ORC4: variants seen among roughly 807,000 people sequenced by gnomAD.
The protein encoded by ORC4 is origin recognition complex, subunit 4 homolog.
In ORC4, 55 loss-of-function variants were observed where a neutral mutation model predicts 63.9. The observed-to-expected ratio is 0.86, with a 90% CI of 0.69 to 1.08. The LOEUF is 1.08. ORC4 is among the 50% of genes least tolerant of loss of function. ORC4 has a pLI of 0.00. For missense variants in ORC4, 511 were observed against 504.4 expected (o/e 1.01, Z -0.13); for synonymous variants, 150 against 168.5 (o/e 0.89, Z 0.85).
intron 1 of ORC4, among the ~76,000 whole-genome samples, chr2:148,015,307 ATT>A (rs1158861758): frequency 2.4e-3 from 224 of 92,320 alleles, no homozygotes; most frequent in African/African-American, 5.7e-3. Context: ...TGATATTGGA[ATT>A]TTTTTTTTTT....
intron 10 of ORC4, among the ~76,000 whole-genome samples, chr2:147,940,832 AT>A (rs1008811462): frequency 6.6e-6 from 1 of 151,878 alleles, no homozygotes; most frequent in Admixed American, 6.6e-5. Context: ...AAAGGCATAA[AT>A]TTTTTTTAAC....
chr2:147,981,726 C>T (rs1054268240), intron 1 of ORC4, among the ~76,000 whole-genome samples: 1 of 46,210 alleles, frequency 2.2e-5, no homozygotes, highest in Non-Finnish European at 4.0e-5. Flanking sequence ...ATAAAATATA[C>T]ATCAAAAAGC....
At chr2:148,013,251 A>T (rs1364871137) in intron 1 of ORC4, among the ~76,000 whole-genome samples, 1 of 152,216 alleles carries the variant, frequency 6.6e-6, no homozygotes, top group African/African-American at 2.4e-5. Context: ...TCAGCCATAA[A>T]AAAAAAATGA....
chr2:147,969,214 C>T (rs1195021806), intron 4 of ORC4, among the ~76,000 whole-genome samples: 4 of 151,856 alleles, frequency 2.6e-5, no homozygotes, highest in Non-Finnish European at 5.9e-5. Context: ...CAGTGTTGTA[C>T]TATCATTTTT....
chr2:147,970,889 C>T (rs1690172747), intron 4 of ORC4, among the ~76,000 whole-genome samples: 1 of 151,962 alleles, frequency 6.6e-6, no homozygotes. Flanking sequence ...AATCCCAGCA[C>T]TTTGGAAAGC....
At chr2:147,976,253 C>T (rs1441158788) in intron 1 of ORC4, among the ~76,000 whole-genome samples, 2 of 152,006 alleles carry the variant, frequency 1.3e-5, no homozygotes, top group African/African-American at 2.4e-5. Context: ...CTGTGTCCAA[C>T]AAGTCGATAG....
intron 1 of ORC4, among the ~76,000 whole-genome samples, chr2:147,980,315 T>G (rs1213983986): frequency 1.3e-5 from 2 of 152,042 alleles, no homozygotes; most frequent in East Asian, 3.9e-4. Flanking sequence ...TATTAGAAAT[T>G]ATAAGTAATC....
intron 4 of ORC4, among the ~76,000 whole-genome samples, chr2:147,971,187 C>T (rs567267103): frequency 1.3e-5 from 2 of 151,860 alleles, no homozygotes; most frequent in South Asian, 4.2e-4. Context: ...ACCAAAGATA[C>T]AGTTAATAGT....
intron 1 of ORC4, among the ~76,000 whole-genome samples, chr2:147,980,307 T>C (rs2105367795): frequency 6.6e-6 from 1 of 152,220 alleles, no homozygotes; most frequent in East Asian, 1.9e-4. Context: ...TTACATTGTA[T>C]TAGAAATTAT....
chr2:148,005,037 C>G (rs1692540777), intron 1 of ORC4, among the ~76,000 whole-genome samples: 1 of 152,052 alleles, frequency 6.6e-6, no homozygotes, highest in Non-Finnish European at 1.5e-5. Context: ...ACCATTTGAC[C>G]CAGCAATCCC....
intron 6 of ORC4, among the ~76,000 whole-genome samples, chr2:147,956,979 G>A (rs1243714079): frequency 2.0e-5 from 3 of 151,428 alleles, no homozygotes; most frequent in Non-Finnish European, 2.9e-5. Context: ...ACAGGAGGTA[G>A]AATATTAGAT....
intron 2 of ORC4, among the ~76,000 whole-genome samples, chr2:147,975,657 A>T (rs560668642): frequency 6.6e-6 from 1 of 152,320 alleles, no homozygotes; most frequent in East Asian, 1.9e-4. Flanking sequence ...GAGAACAATC[A>T]TAACAACAAA....
intron 1 of ORC4, among the ~76,000 whole-genome samples, chr2:147,997,091 T>A (rs73964137): frequency 0.011 from 1,670 of 152,200 alleles, 38 homozygotes; most frequent in African/African-American, 0.038. Context: ...AATAAAGCCA[T>A]GAAAAGACAT....
intron 2 of ORC4, among the ~76,000 whole-genome samples, 163 bp downstream of exon 2, chr2:147,975,739 T>G (rs934387896): frequency 6.6e-6 from 1 of 152,196 alleles, no homozygotes; most frequent in Non-Finnish European, 1.5e-5. Flanking sequence ...CTTACGACCT[T>G]GTGCTGGCAT....
chr2:147,992,950 T>A (rs1335794707), intron 1 of ORC4, among the ~76,000 whole-genome samples: 2 of 152,168 alleles, frequency 1.3e-5, no homozygotes, highest in African/African-American at 4.8e-5. Context: ...TATAAAGACA[T>A]ATCTGACCTA....
chr2:147,989,695 G>A (rs573331056), intron 1 of ORC4, among the ~76,000 whole-genome samples: 38 of 151,732 alleles, frequency 2.5e-4, no homozygotes, highest in Non-Finnish European at 4.0e-4. Context: ...GCAATAGGGC[G>A]AGACTCATCT....
chr2:147,938,098 T>A (rs1295296105), intron 13 of ORC4, 48 bp downstream of exon 13: 1 of 1,263,188 alleles, frequency 7.9e-7, no homozygotes, highest in African/African-American at 1.5e-5. Context: ...AAATTGGATG[T>A]AAAAAATATA....
At chr2:147,967,175 A>G (rs1689942754) in intron 4 of ORC4, among the ~76,000 whole-genome samples, 1 of 152,108 alleles carries the variant, frequency 6.6e-6, no homozygotes, top group South Asian at 2.1e-4. Flanking sequence ...GTATAGAAAA[A>G]AAACACCACA....
At chr2:147,985,183 ACT>A (rs1271576680) in intron 1 of ORC4, among the ~76,000 whole-genome samples, 1 of 151,570 alleles carries the variant, frequency 6.6e-6, no homozygotes, top group South Asian at 2.1e-4. Flanking sequence ...TATTCAGTAA[ACT>A]CTCTGTTTTT....
Sources: gnomAD v4.1 joint callset for allele counts (sites outside exome capture counted in the v4.1 genomes callset) on GRCh38, gnomAD v4.1.1 for gene constraint, MANE v1.5 for transcripts, NCBI Gene and HGNC (gene_info 2026-07-23, HGNC 2026-07-21) for gene names.